SETD9: variants seen among roughly 807,000 people sequenced by gnomAD.
SETD9 encodes SET domain-containing protein 9.
Under a neutral mutation model 36.4 loss-of-function variants are expected in SETD9, and 37 were observed. The observed-to-expected ratio is 1.02, with a 90% CI of 0.78 to 1.34. The LOEUF is 1.34. SETD9 is among the 40% of genes most tolerant of loss of function. The pLI is 0.00. For synonymous variants in SETD9, 128 were observed against 132.9 expected (o/e 0.96, Z 0.26); for missense variants, 323 against 353.2 (o/e 0.91, Z 0.69).
chr5:56,926,572 A>G (rs1749992382), downstream of SETD9, among the ~76,000 whole-genome samples: 1 of 152,206 alleles, frequency 6.6e-6, no homozygotes, highest in Non-Finnish European at 1.5e-5. Context: ...GTGAAATCCA[A>G]AACACTGACA....
downstream of SETD9, chr5:56,919,644 A>G (rs1420769759): frequency 6.5e-6 from 1 of 152,686 alleles, no homozygotes; most frequent in Non-Finnish European, 1.5e-5. Flanking sequence ...TACACCAGGT[A>G]TTAAAGTACA....
downstream of SETD9, chr5:56,920,492 T>C (rs955464281): frequency 6.5e-6 from 1 of 152,692 alleles, no homozygotes. Context: ...TTATAAGAAT[T>C]GTGCTTAACA....
chr5:56,913,723 CTGTG>C (rs1749276413), intron 3 of SETD9, 147 bp from the exon 4 acceptor site: 1 of 571,160 alleles, frequency 1.8e-6, no homozygotes, highest in African/African-American at 1.9e-5. Flanking sequence ...TAGATAGCTG[CTGTG>C]TAACAACTCA....
rs946145976 is a variant in SETD9, at chr5:56,917,260, T to C, written c.*358T>C. 67 of 1,034,218 alleles carry C rather than the reference T, an allele frequency of 6.5e-5. No homozygotes were observed. Among genetic ancestry groups the C allele is most frequent in the Non-Finnish European group, 7.7e-5 (66 of 862,318 alleles). 64.1% of individuals were successfully genotyped at this position (1,034,218 alleles called of 1,614,324 possible). A position where few individuals can be genotyped will look rare whatever the true frequency, so the allele number is the denominator to read the frequency against. ...ATTGTAGCCAGGCATCAGCAGTTCTTGTAGTACTGCTGATGTGTACAAACT... is the reference window on the plus strand; with the variant it reads ...ATTGTAGCCAGGCATCAGCAGTTCTCGTAGTACTGCTGATGTGTACAAACT... On this transcript the variant is annotated 3_prime_UTR_variant, in exon 6 of 6. Coordinates refer to ENST00000285947, the MANE Select transcript of SETD9 (RefSeq NM_153706.4).
At position 56,909,672 on chromosome 5, in the gene SETD9, G is replaced by A; in HGVS notation, c.27G>A (p.Leu9=). The change falls in exon 1 of 6, where the codon CTG becomes CTA. Residue 9 remains leucine (L), a synonymous_variant. Transcript: ENST00000285947. Reference sequence around the variant, plus strand: ...TGCCTGGCCGTCTGCTGCGGGGCCTGTGGCAGCGATGGCGCCGTTACAAGT... The same window carrying A: ...TGCCTGGCCGTCTGCTGCGGGGCCTATGGCAGCGATGGCGCCGTTACAAGT... MPGRLLRG[L]WQRWRRYKYR... 1 of 1,609,386 alleles carries A rather than the reference G, an allele frequency of 6.2e-7. No individual in the cohort carries two copies.
chr5:56,923,036 G>A, intron 5 of SETD9: 1 of 990,996 alleles, frequency 1.0e-6, no homozygotes, highest in South Asian at 1.6e-5. Context: ...TAGTGAGAAA[G>A]GTTCAAACTT....
At chr5:56,919,457 A>G (rs1579822588), downstream of SETD9, 1 of 152,186 alleles carries the variant, frequency 6.6e-6, no homozygotes, top group African/African-American at 2.4e-5. Flanking sequence ...TATTTAATCT[A>G]CCAACTTCAC....
rs1749107222 is a variant in SETD9, at chr5:56,911,278, AAAC to A, written c.211_213del (p.Gln71del). 2 of 1,611,860 alleles carry A rather than the reference AAAC, an allele frequency of 1.2e-6. No individual in the cohort carries two copies. The highest frequency in any genetic ancestry group is 2.7e-5 in the African/African-American group (2 of 74,784). ...GGCTCTATTCTTAAATGATTTCAAT[AAAC>A]AATCAGAAATCTTGTCTATGCTTCC... On this transcript the variant is annotated inframe_deletion, in exon 2 of 6. Coordinates refer to ENST00000285947, the MANE Select transcript of SETD9 (RefSeq NM_153706.4).
At chr5:56,922,821 CAAA>C in intron 5 of SETD9, 2 of 317,038 alleles carry the variant, frequency 6.3e-6, no homozygotes, top group South Asian at 8.3e-5. Flanking sequence ...GTGGGGAACA[CAAA>C]AGAATAGAAA....
chr5:56,925,945 G>A (rs1413375582), downstream of SETD9, among the ~76,000 whole-genome samples: 3 of 151,934 alleles, frequency 2.0e-5, no homozygotes, highest in South Asian at 4.1e-4. Context: ...TACACCCCAC[G>A]GGTACAGTCA....
chr5:56,926,943 T>C (rs1017120922), downstream of SETD9, among the ~76,000 whole-genome samples: 12 of 151,588 alleles, frequency 7.9e-5, no homozygotes, highest in Non-Finnish European at 1.8e-4. Flanking sequence ...AAAAACCCCA[T>C]GGTGAAAACT....
downstream of SETD9, among the ~76,000 whole-genome samples, chr5:56,917,825 A>G (rs1222580561): frequency 6.6e-6 from 1 of 152,162 alleles, no homozygotes. Flanking sequence ...AGCAATAGTT[A>G]CTTTGACCTC....
chr5:56,917,864 C>T (rs572542948), downstream of SETD9, among the ~76,000 whole-genome samples: 11 of 152,302 alleles, frequency 7.2e-5, no homozygotes, highest in South Asian at 2.3e-3. Context: ...TCTCTCAGTT[C>T]CAAACTTGGA....
At chr5:56,910,181 G>A (rs1034007047) in intron 1 of SETD9, 3 of 1,241,254 alleles carry the variant, frequency 2.4e-6, no homozygotes, top group Non-Finnish European at 3.1e-6. Context: ...CTTACCGCGT[G>A]AGAGTGCGTG....
At chr5:56,911,898 C>G (rs576610156) in intron 2 of SETD9, among the ~76,000 whole-genome samples, 32 of 152,260 alleles carry the variant, frequency 2.1e-4, no homozygotes, top group African/African-American at 7.5e-4. Context: ...GATAGGCTCA[C>G]GCCGGTAATC....
chr5:56,913,983 TC>T lies in SETD9; in HGVS notation c.702del (p.Asn235MetfsTer20), dbSNP rs745543281. 2.2e-5 allele frequency: 35 copies of T among 1,608,650 alleles called. No individual in the cohort carries two copies. Among genetic ancestry groups the T allele is most frequent in the Non-Finnish European group, 2.9e-5 (34 of 1,175,174 alleles). ...TGTGGGACAGTATGTCAACAATTGT[TC>T]CAATGGTAAGAAGGCATCATGGGGC... ...LAVGQYVNNC[S>X]NDRAANVCYQ... On this transcript the variant is annotated frameshift_variant, in exon 4 of 6. Transcript: ENST00000285947. LOFTEE classifies it high-confidence loss of function.
intron 5 of SETD9, chr5:56,923,816 A>G (rs1749811178): frequency 1.2e-6 from 2 of 1,614,200 alleles, no homozygotes; most frequent in Non-Finnish European, 1.7e-6. Flanking sequence ...TTCATCTACT[A>G]AACGATCCAT....
Position 56,914,377 on chromosome 5 carries a change from A to C in SETD9, c.706+388A>C, listed in dbSNP as rs1044199921. On this transcript the variant is annotated intron_variant, in intron 4 of 5. Transcript: ENST00000285947. ...GTGAGTCCCTATCTATATCTTCTTT[A>C]GGAGTTGACTTTCCCATAGGTAAAA... 8.2e-4 allele frequency among the ~76,000 whole-genome samples: 125 copies of C among 152,226 alleles called. 1 individual carries two copies. The highest frequency in any genetic ancestry group is 3.4e-3 in the Middle Eastern group (1 of 294).
At chr5:56,927,280 A>C (rs1369304050), downstream of SETD9, among the ~76,000 whole-genome samples, 1 of 152,120 alleles carries the variant, frequency 6.6e-6, no homozygotes, top group Non-Finnish European at 1.5e-5. Flanking sequence ...TTGGCTCATT[A>C]ATTTTAACAA....
Sources: allele counts gnomAD v4.1 joint callset (sites outside exome capture counted in the v4.1 genomes callset), GRCh38; gene constraint gnomAD v4.1.1; transcripts MANE v1.5; gene names NCBI Gene and HGNC (gene_info 2026-07-23, HGNC 2026-07-21).